PPP2R3C: variants seen among roughly 807,000 people sequenced by gnomAD.
PPP2R3C encodes the protein serine/threonine-protein phosphatase 2A regulatory subunit B'' subunit gamma.
Under a neutral mutation model 63.7 loss-of-function variants are expected in PPP2R3C, and 47 were observed. The observed-to-expected ratio is 0.74, with a 90% CI of 0.58 to 0.94. PPP2R3C has a LOEUF of 0.94. PPP2R3C is among the 40% of genes least tolerant of loss of function. PPP2R3C has a pLI of 0.00. For synonymous variants in PPP2R3C, 180 were observed against 177.4 expected, an observed-to-expected ratio of 1.01 and a Z score of -0.12; for missense variants, 421 against 518.4, an observed-to-expected ratio of 0.81 and a Z score of 1.82.
intron 2 of PPP2R3C, among the ~76,000 whole-genome samples, chr14:35,111,017 T>C (rs969501874): frequency 6.6e-6 from 1 of 151,506 alleles, no homozygotes; most frequent in South Asian, 2.1e-4. Flanking sequence ...GGCAGGCGGA[T>C]CATGAAGTCA....
At chr14:35,098,357 T>TTC (rs1395185898) in intron 7 of PPP2R3C, among the ~76,000 whole-genome samples, 2 of 147,478 alleles carry the variant, frequency 1.4e-5, no homozygotes, top group African/African-American at 5.0e-5. Context: ...TTTTTTTTTT[T>TTC]TTTTTTTTTT....
intron 1 of PPP2R3C, among the ~76,000 whole-genome samples, chr14:35,120,167 G>C (rs2046824745): frequency 6.6e-6 from 1 of 151,254 alleles, no homozygotes; most frequent in Admixed American, 6.6e-5. Context: ...AGTGAAGCCA[G>C]AGTGTATGGG....
intron 5 of PPP2R3C, 125 bp downstream of exon 5, chr14:35,108,014 A>C: frequency 7.4e-7 from 1 of 1,358,556 alleles, no homozygotes. Flanking sequence ...TCTTGGTCAA[A>C]AGATAAGAAA....
At chr14:35,108,413 A>G (rs1193495581) in intron 4 of PPP2R3C, among the ~76,000 whole-genome samples, 177 bp from the exon 5 acceptor site, 3 of 151,528 alleles carry the variant, frequency 2.0e-5, no homozygotes, top group Non-Finnish European at 1.5e-5. Flanking sequence ...TTTAAAAGAA[A>G]TGGAGATTTG....
At chr14:35,117,415 T>C (rs1353177558) in intron 1 of PPP2R3C, among the ~76,000 whole-genome samples, 1 of 152,210 alleles carries the variant, frequency 6.6e-6, no homozygotes, top group Non-Finnish European at 1.5e-5. Flanking sequence ...CCAAAGACTT[T>C]CACCTCTAGT....
At chr14:35,097,802 A>G (rs769617434) in intron 7 of PPP2R3C, among the ~76,000 whole-genome samples, 42 of 151,408 alleles carry the variant, frequency 2.8e-4, no homozygotes, top group Non-Finnish European at 2.2e-4. Context: ...TTTTTTGTAC[A>G]GAAGAGGTCT....
At chr14:35,092,296 C>T (rs1487336377) in intron 10 of PPP2R3C, among the ~76,000 whole-genome samples, 1 of 152,102 alleles carries the variant, frequency 6.6e-6, no homozygotes, top group East Asian at 1.9e-4. Flanking sequence ...TCTCAAACTC[C>T]TGGGCTCAAG....
chr14:35,087,450 A>G, intron 12 of PPP2R3C: 1 of 159,330 alleles, frequency 6.3e-6, no homozygotes, highest in Non-Finnish European at 1.4e-5. Flanking sequence ...TCCAGGCTGG[A>G]GTGCAGTGGC....
chr14:35,089,317 G>A (rs893505283), intron 11 of PPP2R3C, among the ~76,000 whole-genome samples: 6 of 152,064 alleles, frequency 3.9e-5, no homozygotes, highest in Non-Finnish European at 7.4e-5. Flanking sequence ...TGCCCAGGCT[G>A]GTTTCCCAAC....
At position 35,091,972 on chromosome 14, in the gene PPP2R3C, G is replaced by A. The variant is rs145160080; in HGVS notation, c.976-765C>T. ...TGACCTCAAGTGACCCGCCTGCCCC[G>A]GCCTCCCAAAGTGCTGGGATTATAG... On this transcript the variant is annotated intron_variant, in intron 10 of 12. Transcript: ENST00000261475. Among the ~76,000 whole-genome samples the A allele has an allele frequency of 5.6e-3, 841 of 149,816 alleles. 4 individuals are homozygous for A. Among genetic ancestry groups the A allele is most frequent in the African/African-American group, 0.018 (752 of 40,692 alleles).
At chr14:35,087,169 CCTT>C (rs1474257812) in intron 12 of PPP2R3C, 4 of 152,186 alleles carry the variant, frequency 2.6e-5, no homozygotes, top group Non-Finnish European at 4.4e-5. Flanking sequence ...TAGAAGACCT[CCTT>C]CTATATTATG....
At chr14:35,109,510 G>A (rs1362243945) in intron 4 of PPP2R3C, among the ~76,000 whole-genome samples, 7 of 151,190 alleles carry the variant, frequency 4.6e-5, no homozygotes, top group African/African-American at 1.7e-4. Context: ...GTAAGGTCTT[G>A]CTCTATCGCC....
chr14:35,089,302 T>C (rs902520553), intron 11 of PPP2R3C, among the ~76,000 whole-genome samples: 6 of 152,168 alleles, frequency 3.9e-5, no homozygotes, highest in African/African-American at 1.4e-4. Flanking sequence ...GGAGTCTCCC[T>C]ATGTTGCCCA....
chr14:35,109,156 A>G (rs147548181), intron 4 of PPP2R3C, among the ~76,000 whole-genome samples: 6,767 of 151,720 alleles, frequency 0.045, 206 homozygotes, highest in Middle Eastern at 0.079. Context: ...TCCAGGGTTC[A>G]AGCGATTCTC....
chr14:35,121,417 T>C lies in PPP2R3C; in HGVS notation c.58+485A>G, dbSNP rs2046886595. ...AGTGAGACAACTCACCAAGGTTCTG[T>C]TTTTCTCCAGCCACTTTCAACAGCC... On this transcript the variant is annotated intron_variant, in intron 1 of 12. Coordinates refer to ENST00000261475, the MANE Select transcript of PPP2R3C (RefSeq NM_017917.4). 2.0e-5 allele frequency among the ~76,000 whole-genome samples: 3 copies of C among 151,940 alleles called. No individual in the cohort carries two copies. In the South Asian group the frequency reaches 6.2e-4, roughly 31 times the overall value.
intron 12 of PPP2R3C, 54 bp downstream of exon 12, chr14:35,087,897 C>A: frequency 3.7e-6 from 5 of 1,359,244 alleles, no homozygotes; most frequent in Non-Finnish European, 4.2e-6. Context: ...TCATGTAATA[C>A]AAATGACTAT....
At chr14:35,088,059 A>C in intron 11 of PPP2R3C, 49 bp from the exon 12 acceptor site, 1 of 1,356,186 alleles carries the variant, frequency 7.4e-7, no homozygotes, top group Non-Finnish European at 1.1e-6. Context: ...AATACACAAC[A>C]TCCCTCTTTT....
intron 3 of PPP2R3C, chr14:35,110,199 C>T (rs1595118483): frequency 9.0e-6 from 4 of 444,338 alleles, no homozygotes; most frequent in Admixed American, 8.0e-5. Flanking sequence ...AATCGAAGCA[C>T]AGAGATGTTA....
chr14:35,115,333 T>G (rs1444872238), intron 2 of PPP2R3C, among the ~76,000 whole-genome samples: 2 of 151,422 alleles, frequency 1.3e-5, no homozygotes, highest in African/African-American at 4.9e-5. Context: ...CGGCTAAGTT[T>G]TTTTTGGAGA....
Sources: gnomAD v4.1 joint callset for allele counts (sites outside exome capture counted in the v4.1 genomes callset) on GRCh38, gnomAD v4.1.1 for gene constraint, MANE v1.5 for transcripts, NCBI Gene and HGNC (gene_info 2026-07-23, HGNC 2026-07-21) for gene names.